Variants in NEK2 observed in about 807,000 individuals in gnomAD.
NEK2 encodes the protein serine/threonine-protein kinase Nek2.
Under a neutral mutation model 54.1 loss-of-function variants are expected in NEK2, and 28 were observed. The observed-to-expected ratio is 0.52, with a 90% CI of 0.38 to 0.71. The LOEUF is 0.71. Among genes scored for constraint, NEK2 ranks in the 30% least tolerant of loss-of-function variants. The probability of loss-of-function intolerance (pLI) is 0.00; values close to 1 mark genes in which losing one functional copy is unlikely to be tolerated. For missense variants in NEK2, 407 were observed against 531.5 expected, an observed-to-expected ratio of 0.77 and a Z score of 2.30; for synonymous variants, 176 against 193.1, an observed-to-expected ratio of 0.91 and a Z score of 0.73.
Position 211,663,693 on chromosome 1 carries a change from C to A in NEK2, c.1112-41G>T, listed in dbSNP as rs745376600. On this transcript the variant is annotated intron_variant, in intron 7 of 7. Coordinates refer to ENST00000366999, the MANE Select transcript of NEK2 (RefSeq NM_002497.4). ...GAAAAAGGGCTCTGAGTTACTTGAA[C>A]AGAGTTCAACTCCTTCATACTTATA... 9 of 1,569,734 alleles carry A rather than the reference C, an allele frequency of 5.7e-6. No homozygotes were observed. In the East Asian group the frequency reaches 2.0e-4, roughly 35 times the overall value.
intron 5 of NEK2, among the ~76,000 whole-genome samples, 161 bp downstream of exon 5, chr1:211,670,120 G>A (rs1655323687): frequency 6.6e-6 from 1 of 152,166 alleles, no homozygotes; most frequent in Admixed American, 6.5e-5. Flanking sequence ...TGTGCAATTT[G>A]CCAAATTTAC....
At position 211,675,370 on chromosome 1, in the gene NEK2, G is replaced by A; in HGVS notation, c.96+14C>T. 6.2e-7 allele frequency: 1 copy of A among 1,611,312 alleles called. No individual in the cohort carries two copies. Among genetic ancestry groups the A allele is most frequent in the Non-Finnish European group, 8.5e-7 (1 of 1,177,578 alleles). Reference sequence around the variant, plus strand: ...CCTAAGCAGGGGCAGGCGCAGGGTAGGTCCCACGCTCACCTTGCCATCACT... The same window carrying A: ...CCTAAGCAGGGGCAGGCGCAGGGTAAGTCCCACGCTCACCTTGCCATCACT... On this transcript the variant is annotated intron_variant, in intron 1 of 7. Coordinates refer to ENST00000366999, the MANE Select transcript of NEK2 (RefSeq NM_002497.4).
At position 211,673,576 on chromosome 1, in the gene NEK2, G is replaced by A. The variant is rs767637204; in HGVS notation, c.462C>T (p.Asn154=). The A allele has an allele frequency of 4.3e-6, 7 of 1,614,086 alleles. No individual in the cohort carries two copies. The highest frequency in any genetic ancestry group is 2.2e-5 in the South Asian group (2 of 91,084). Residue 154 remains asparagine (N), a synonymous_variant, in exon 3 of 8, where the codon AAC becomes AAT. Transcript: ENST00000366999. ...PANVFLDGKQ[N]VKLGDFGLAR... ...CTAGCCCAAAGTCTCCAAGCTTGAC[G>A]TTTTGCTTGCCATCCAGGAAAACAT... is the stretch of plus-strand genomic sequence containing the variant.
intron 7 of NEK2, among the ~76,000 whole-genome samples, chr1:211,664,235 C>T (rs1655105488): frequency 2.0e-5 from 3 of 152,064 alleles, no homozygotes; most frequent in East Asian, 3.9e-4. Context: ...CTATTCTTTA[C>T]ATGGAAAAAA....
intron 4 of NEK2, among the ~76,000 whole-genome samples, chr1:211,670,733 G>A (rs1176011542): frequency 6.6e-6 from 1 of 152,064 alleles, no homozygotes; most frequent in Non-Finnish European, 1.5e-5. Context: ...CCCATAAGAG[G>A]CAAATTTGCT....
chr1:211,663,761 T>C, intron 7 of NEK2, 109 bp from the exon 8 acceptor site: 1 of 1,069,688 alleles, frequency 9.3e-7, no homozygotes, highest in East Asian at 2.6e-5. Flanking sequence ...ATTTGAAATC[T>C]AGGTGCCTGT....
In NEK2 at chr1:211,666,837, G is replaced by GT. The variant is rs563143650; in HGVS notation, c.1111+268dup. On this transcript the variant is annotated intron_variant, in intron 7 of 7. Transcript: ENST00000366999. ...AAATAAATAATGATAATAAAAATAA[G>GT]TATCAATTACTAAACATGTAGTTTG... The GT allele has an allele frequency of 4.9e-4, 509 of 1,032,938 alleles. 3 individuals are homozygous for GT. In the African/African-American group the frequency reaches 7.8e-3, roughly 16 times the overall value. The allele number at this position is 1,032,938 out of a possible 1,614,324, so 64.0% of individuals were successfully genotyped here. A position where few individuals can be genotyped will look rare whatever the true frequency, so the allele number is the denominator to read the frequency against.
At chr1:211,661,081 A>G (rs1655007253), downstream of NEK2, 2 of 743,252 alleles carry the variant, frequency 2.7e-6, no homozygotes, top group Non-Finnish European at 5.0e-6. Context: ...CCCGGTGATA[A>G]CTTGCCTCCG....
In NEK2 at chr1:211,663,158, C is replaced by T. The variant is rs560178229; in HGVS notation, c.*268G>A. 1.7e-6 allele frequency: 2 copies of T among 1,208,222 alleles called. No homozygotes were observed. The highest frequency in any genetic ancestry group is 2.9e-5 in the South Asian group (1 of 35,076). 74.8% of individuals were successfully genotyped at this position (1,208,222 alleles called of 1,614,324 possible). A position where few individuals can be genotyped will look rare whatever the true frequency, so the allele number is the denominator to read the frequency against. ...ATTTAGAATGTCACATCTCATGTTCCTACTAGTAATCACACACAGGATTAA... is the reference window on the plus strand; with the variant it reads ...ATTTAGAATGTCACATCTCATGTTCTTACTAGTAATCACACACAGGATTAA... On this transcript the variant is annotated 3_prime_UTR_variant, in exon 8 of 8. Coordinates refer to ENST00000366999, the MANE Select transcript of NEK2 (RefSeq NM_002497.4).
At position 211,669,337 on chromosome 1, in the gene NEK2, G is replaced by A. The variant is rs771253348; in HGVS notation, c.766-5C>T. The A allele has an allele frequency of 1.2e-6, 2 of 1,611,380 alleles. No individual in the cohort carries two copies. Among genetic ancestry groups the A allele is most frequent in the African/African-American group, 2.7e-5 (2 of 74,756 alleles). On this transcript the variant is annotated splice_polypyrimidine_tract_variant and splice_region_variant and intron_variant, in intron 5 of 7. Transcript: ENST00000366999. ...AACAGAAGGTCGATGGTAATCCTGG[G>A]GAAAAAATACTCAGTATTATAGTCA...
downstream of NEK2, chr1:211,662,659 C>T (rs1253668351): frequency 5.0e-6 from 2 of 399,114 alleles, no homozygotes; most frequent in African/African-American, 2.2e-5. The surrounding 1 kb of genome is among the most constrained non-coding windows in gnomAD (Gnocchi z 4.2). Context: ...GACTGGAATG[C>T]CACTCCCTTG....
intron 1 of NEK2, 108 bp from the exon 2 acceptor site, chr1:211,674,621 C>T: frequency 1.3e-6 from 1 of 787,036 alleles, no homozygotes; most frequent in Non-Finnish European, 2.0e-6. Context: ...ATCCTACAAT[C>T]AAGGTCATTA....
At chr1:211,675,216 C>T (rs1486271066) in intron 1 of NEK2, among the ~76,000 whole-genome samples, 168 bp downstream of exon 1, 1 of 152,262 alleles carries the variant, frequency 6.6e-6, no homozygotes, top group Non-Finnish European at 1.5e-5. Context: ...GTCTCCCATC[C>T]TTTAAGCCAC....
At chr1:211,672,047 TCTGG>T (rs778106592) in intron 3 of NEK2, among the ~76,000 whole-genome samples, 3 of 152,252 alleles carry the variant, frequency 2.0e-5, no homozygotes, top group Non-Finnish European at 2.9e-5. Flanking sequence ...ATGGTACTGT[TCTGG>T]CTATTTTTAG....
intron 7 of NEK2, 36 bp from the exon 8 acceptor site, chr1:211,663,688 T>G (rs1467480669): frequency 4.4e-6 from 7 of 1,589,030 alleles, no homozygotes; most frequent in Non-Finnish European, 6.0e-6. Context: ...TCTGAGTTAC[T>G]TGAACAGAGT....
At chr1:211,669,960 T>C (rs1178450008) in intron 5 of NEK2, among the ~76,000 whole-genome samples, 1 of 152,172 alleles carries the variant, frequency 6.6e-6, no homozygotes, top group African/African-American at 2.4e-5. Context: ...TCTGGCCCCT[T>C]CCCTCACTAC....
chr1:211,666,956 T>C, intron 7 of NEK2, 150 bp downstream of exon 7: 1 of 1,455,464 alleles, frequency 6.9e-7, no homozygotes, highest in Non-Finnish European at 9.0e-7. Flanking sequence ...AGAATTTTGT[T>C]TCCATTGAAA....
At position 211,662,810 on chromosome 1, in the gene NEK2, G is replaced by C. The variant is rs1655053360; in HGVS notation, c.*616C>G. 1 of 983,060 alleles carries C rather than the reference G, an allele frequency of 1.0e-6. No individual in the cohort carries two copies. The highest frequency in any genetic ancestry group is 6.2e-5 in the Admixed American group (1 of 16,098). The allele number at this position is 983,060 out of a possible 1,614,324, so 60.9% of individuals were successfully genotyped here. A position where few individuals can be genotyped will look rare whatever the true frequency, so the allele number is the denominator to read the frequency against. ...AAGAATTCTTTTATTTAGTGGGAAA[G>C]AAGTAGGTAAATGACAGACAGCTCA... On this transcript the variant is annotated 3_prime_UTR_variant, in exon 8 of 8. Coordinates refer to ENST00000366999, the MANE Select transcript of NEK2 (RefSeq NM_002497.4). The surrounding 1 kb of genome is among the most constrained non-coding windows in gnomAD (Gnocchi z 4.2).
rs748557421 is a variant in NEK2 at position 211,663,649 on chromosome 1, A to C, written c.1115T>G (p.Leu372Arg). ...KFLSLASNPE[L>R]LNLPSSVIKK... The stretch of plus-strand genomic sequence containing the variant: ...AATTACTGAGGATGGAAGATTAAGA[A>C]GTTCTTTAGAAGGAAAAAGAAAAAG... The change falls in exon 8 of 8, where the codon CTT becomes CGT. Residue 372 changes from leucine (L) to arginine (R), a missense_variant. Leu to Arg is a moderately radical substitution (Grantham distance 102). Coordinates refer to ENST00000366999, the MANE Select transcript of NEK2 (RefSeq NM_002497.4). 5 of 1,613,256 alleles carry C rather than the reference A, an allele frequency of 3.1e-6. No homozygotes were observed. Among genetic ancestry groups the C allele is most frequent in the Non-Finnish European group, 4.2e-6 (5 of 1,179,650 alleles).
Sources: allele counts gnomAD v4.1 joint callset (sites outside exome capture counted in the v4.1 genomes callset), GRCh38; gene constraint gnomAD v4.1.1; non-coding constraint Gnocchi (gnomAD v3.1); transcripts MANE v1.5; gene names NCBI Gene and HGNC (gene_info 2026-07-23, HGNC 2026-07-21).